Variants in CPT1A observed in about 807,000 individuals in gnomAD.
CPT1A encodes carnitine palmitoyltransferase 1A.
Under a neutral mutation model 100.8 loss-of-function variants are expected in CPT1A, and 64 were observed. The observed-to-expected ratio is 0.63, with a 90% CI of 0.52 to 0.78. The LOEUF is 0.78. Ranked by LOEUF, CPT1A falls within the 30% of genes least tolerant of loss-of-function variation. The pLI is 0.00. For missense variants in CPT1A, 802 were observed against 1,034.1 expected, an observed-to-expected ratio of 0.78 and a Z score of 3.08; for synonymous variants, 363 against 396.0, an observed-to-expected ratio of 0.92 and a Z score of 0.99.
intron 12 of CPT1A, among the ~76,000 whole-genome samples, chr11:68,777,919 G>A (rs1167602024): frequency 6.6e-6 from 1 of 152,106 alleles, no homozygotes; most frequent in Non-Finnish European, 1.5e-5. Flanking sequence ...GACACTGAAG[G>A]CAGCTTGATC....
chr11:68,833,863 AT>A (rs977070979), intron 1 of CPT1A, among the ~76,000 whole-genome samples: 9 of 149,868 alleles, frequency 6.0e-5, no homozygotes, highest in African/African-American at 9.8e-5. Context: ...TTTCATTATT[AT>A]TTTTTTTTTA....
chr11:68,799,485 A>T, intron 5 of CPT1A, 130 bp from the exon 6 acceptor site: 1 of 999,588 alleles, frequency 1.0e-6, no homozygotes, highest in East Asian at 2.5e-5. Flanking sequence ...ATGGTGGCTC[A>T]TGCTTGTAAT....
intron 3 of CPT1A, among the ~76,000 whole-genome samples, chr11:68,811,378 C>T (rs566907369): frequency 3.9e-5 from 6 of 152,312 alleles, no homozygotes; most frequent in African/African-American, 1.4e-4. Flanking sequence ...AGGGACACTT[C>T]CGAGACACTG....
At chr11:68,799,396 C>G in intron 5 of CPT1A, 41 bp from the exon 6 acceptor site, 4 of 1,606,254 alleles carry the variant, frequency 2.5e-6, no homozygotes, top group Non-Finnish European at 3.4e-6. Flanking sequence ...CAAGTTAAAA[C>G]ATATTAATCA....
chr11:68,779,018 T>A lies in CPT1A; in HGVS notation c.1458+1622A>T, dbSNP rs376262424. On this transcript the variant is annotated intron_variant, in intron 12 of 18. Coordinates refer to ENST00000265641, the MANE Select transcript of CPT1A (RefSeq NM_001876.4). ...CCAGGATGGTCTCGTTCTCCTGACC[T>A]CGTGATCCGCCTGCCTCGGCCTCCC... 2.8e-4 allele frequency among the ~76,000 whole-genome samples: 43 copies of A among 152,110 alleles called. 3 individuals are homozygous for A. The East Asian group carries it at 7.1e-3, about 25-fold the overall frequency.
intron 8 of CPT1A, among the ~76,000 whole-genome samples, chr11:68,794,323 T>G (rs907170363): frequency 2.0e-5 from 3 of 152,190 alleles, no homozygotes; most frequent in African/African-American, 7.2e-5. Context: ...GGTTGACTGA[T>G]GTATTCACCA....
chr11:68,769,361 G>A (rs559719033), intron 14 of CPT1A, among the ~76,000 whole-genome samples: 333 of 151,980 alleles, frequency 2.2e-3, no homozygotes, highest in Non-Finnish European at 3.9e-3. Flanking sequence ...CTTAGCCTCC[G>A]GAGTACCTTG....
chr11:68,764,495 C>T (rs1854727103), intron 14 of CPT1A, among the ~76,000 whole-genome samples: 2 of 151,966 alleles, frequency 1.3e-5, no homozygotes, highest in South Asian at 4.2e-4. Context: ...AAGGGGAAGC[C>T]GGACAGAGCA....
rs1203032991 is a variant in CPT1A at position 68,765,836 on chromosome 11, G to A, written c.1741-3075C>T. On this transcript the variant is annotated intron_variant, in intron 14 of 18. Coordinates refer to ENST00000265641, the MANE Select transcript of CPT1A (RefSeq NM_001876.4). ...AGGCCACTGAATAGAAATAACACAG[G>A]AACAGGGAACTAGGGAACAGAACAA... Among the ~76,000 whole-genome samples the A allele has an allele frequency of 2.0e-5, 3 of 150,766 alleles. No individual in the cohort carries two copies. The East Asian group carries it at 5.8e-4, about 29-fold the overall frequency.
chr11:68,781,882 G>A lies in CPT1A; in HGVS notation c.1241C>T (p.Ala414Val), dbSNP rs80356790. 2 of 1,614,144 alleles carry A rather than the reference G, an allele frequency of 1.2e-6. No homozygotes were observed. The highest frequency in any genetic ancestry group is 1.7e-6 in the Non-Finnish European group (2 of 1,180,000). Residue 414 changes from alanine (A) to valine (V), a missense_variant, in exon 11 of 19, where the codon GCA (alanine) becomes GTA (valine). Physicochemically the swap from Ala to Val is moderately conservative, Grantham distance 64 (BLOSUM62 0). Around this residue, in one of 4 missense-constraint regions of CPT1A, gnomAD observed 627 missense variants for 799.3 expected, o/e 0.78. Transcript: ENST00000265641. ...TTCATCTAACGTCACAAAGAACGCTGCTTTCTCCACAGCATCAAGAGACTG... is the reference window on the plus strand; with the variant it reads ...TTCATCTAACGTCACAAAGAACGCTACTTTCTCCACAGCATCAAGAGACTG... The part of the protein sequence containing the change: ...NKQSLDAVEK[A>V]AFFVTLDETE...
intron 9 of CPT1A, chr11:68,786,070 A>G (rs1251863450): frequency 2.8e-6 from 2 of 702,124 alleles, no homozygotes; most frequent in South Asian, 1.5e-5. Flanking sequence ...ATGATTAAAA[A>G]TAGGACAAGC....
At chr11:68,762,790 GGCAGGGC>G (rs1854668424) in intron 14 of CPT1A, 29 bp from the exon 15 acceptor site, 1 of 1,613,442 alleles carries the variant, frequency 6.2e-7, no homozygotes, top group Admixed American at 1.7e-5. Flanking sequence ...TTCAGTGCAC[GGCAGGGC>G]ATGCTGATAT....
intron 5 of CPT1A, among the ~76,000 whole-genome samples, chr11:68,803,482 G>A (rs1855958992): frequency 1.3e-5 from 2 of 152,010 alleles, no homozygotes; most frequent in African/African-American, 4.8e-5. Flanking sequence ...AGGCTGAGGC[G>A]GGTGGATCAC....
intron 15 of CPT1A, 130 bp downstream of exon 15, chr11:68,762,497 G>T: frequency 1.7e-6 from 2 of 1,161,730 alleles, no homozygotes; most frequent in Non-Finnish European, 2.5e-6. Flanking sequence ...GAGGAAAGAA[G>T]CTGAATTGAG....
At chr11:68,780,598 A>G (rs1207097467) in intron 12 of CPT1A, 42 bp downstream of exon 12, 1 of 1,582,086 alleles carries the variant, frequency 6.3e-7, no homozygotes, top group Admixed American at 1.7e-5. Flanking sequence ...TTGGATTTTC[A>G]AAAGCAACTT....
chr11:68,826,462 C>T (rs1345005695), intron 1 of CPT1A, among the ~76,000 whole-genome samples: 5 of 149,130 alleles, frequency 3.4e-5, no homozygotes, highest in African/African-American at 7.4e-5. Flanking sequence ...AGGTCAGGCG[C>T]GGTGGCTCAC....
intron 1 of CPT1A, among the ~76,000 whole-genome samples, chr11:68,816,897 T>C (rs1315027477): frequency 3.5e-5 from 3 of 86,302 alleles, no homozygotes; most frequent in African/African-American, 1.1e-4. Flanking sequence ...GTGTGTGGTG[T>C]GTGTGGGTGT....
At chr11:68,761,449 T>A in intron 16 of CPT1A, 86 bp downstream of exon 16, 3 of 1,480,150 alleles carry the variant, frequency 2.0e-6, no homozygotes, top group Non-Finnish European at 2.8e-6. Flanking sequence ...CATTCTGACA[T>A]TAAAATATGT....
intron 3 of CPT1A, among the ~76,000 whole-genome samples, chr11:68,809,677 G>A (rs1856144960): frequency 6.6e-6 from 1 of 152,138 alleles, no homozygotes; most frequent in African/African-American, 2.4e-5. Context: ...ATCCCCTCCA[G>A]GACAGGAAAT....
Sources: gnomAD v4.1 joint callset for allele counts (sites outside exome capture counted in the v4.1 genomes callset) on GRCh38, gnomAD v4.1.1 for gene constraint, gnomAD v4.1.1 regional missense constraint, MANE v1.5 for transcripts, NCBI Gene and HGNC (gene_info 2026-07-23, HGNC 2026-07-21) for gene names.